MAGI2: variants seen among roughly 807,000 people sequenced by gnomAD.
MAGI2 encodes the protein membrane associated guanylate kinase, WW and PDZ domain containing 2, also known as membrane-associated guanylate kinase, WW and PDZ domain-containing protein 2.
In MAGI2, 35 loss-of-function variants were observed where a neutral mutation model predicts 133.3. The observed-to-expected ratio is 0.26, with a 90% CI of 0.20 to 0.35. The LOEUF is 0.35. MAGI2 is among the 10% of genes least tolerant of loss of function. The pLI is 1.00. For synonymous variants in MAGI2, 729 were observed against 710.6 expected, an observed-to-expected ratio of 1.03 and a Z score of -0.41; for missense variants, 1,636 against 1,863.4, an observed-to-expected ratio of 0.88 and a Z score of 2.25.
intron 9 of MAGI2, among the ~76,000 whole-genome samples, chr7:78,268,943 A>C (rs1321786620): frequency 2.0e-5 from 3 of 151,848 alleles, no homozygotes; most frequent in African/African-American, 7.3e-5. Context: ...CCAGCCCCCC[A>C]CCCACTGACA....
intron 1 of MAGI2, among the ~76,000 whole-genome samples, chr7:79,050,726 C>A (rs1327997837): frequency 6.6e-6 from 1 of 152,174 alleles, no homozygotes; most frequent in African/African-American, 2.4e-5. Context: ...ACCATTTTTA[C>A]CCCACAAGAC....
chr7:79,134,819 G>A lies in MAGI2; in HGVS notation c.302-127613C>T, dbSNP rs182133082. Reference sequence around the variant, plus strand: ...GTTTGTAAACAAAATGCTGCTAACAGCATAAAATAATTGGCATTTTCAATA... The same window carrying A: ...GTTTGTAAACAAAATGCTGCTAACAACATAAAATAATTGGCATTTTCAATA... On this transcript the variant is annotated intron_variant, in intron 1 of 21. Transcript: ENST00000354212. 5.9e-5 allele frequency among the ~76,000 whole-genome samples: 9 copies of A among 152,306 alleles called. No homozygotes were observed. In the East Asian group the frequency reaches 9.7e-4, roughly 16 times the overall value.
chr7:79,134,709 A>G (rs1169366222), intron 1 of MAGI2, among the ~76,000 whole-genome samples: 1 of 152,250 alleles, frequency 6.6e-6, no homozygotes, highest in African/African-American at 2.4e-5. Flanking sequence ...GCAATCATCA[A>G]TATTAAGATT....
At chr7:78,680,016 T>A (rs559830235) in intron 2 of MAGI2, among the ~76,000 whole-genome samples, 1 of 152,210 alleles carries the variant, frequency 6.6e-6, no homozygotes, top group East Asian at 1.9e-4. Context: ...AGCAAATAGT[T>A]GCATTGAGGT....
At chr7:79,153,090 A>G (rs1247095146) in intron 1 of MAGI2, among the ~76,000 whole-genome samples, 1 of 152,214 alleles carries the variant, frequency 6.6e-6, no homozygotes, top group African/African-American at 2.4e-5. Flanking sequence ...ATAAAGTGAT[A>G]AGAACCCTTT....
At chr7:79,169,879 C>A (rs959611635) in intron 1 of MAGI2, among the ~76,000 whole-genome samples, 2 of 151,636 alleles carry the variant, frequency 1.3e-5, no homozygotes, top group African/African-American at 2.4e-5. Context: ...GTCTTTTTAA[C>A]TTTTAAATTC....
intron 1 of MAGI2, among the ~76,000 whole-genome samples, chr7:79,102,606 T>C (rs1421045708): frequency 1.3e-5 from 2 of 152,224 alleles, no homozygotes; most frequent in Non-Finnish European, 2.9e-5. Flanking sequence ...AATTTTGCCT[T>C]TCTACCCAAA....
intron 10 of MAGI2, among the ~76,000 whole-genome samples, chr7:78,243,273 T>A (rs144846893): frequency 0.093 from 2,747 of 29,592 alleles, 32 homozygotes; most frequent in East Asian, 0.2. Context: ...ACACACACTC[T>A]CTCTCTCTCT....
At chr7:79,164,783 C>T (rs1349923763) in intron 1 of MAGI2, among the ~76,000 whole-genome samples, 1 of 152,012 alleles carries the variant, frequency 6.6e-6, no homozygotes, top group Non-Finnish European at 1.5e-5. Flanking sequence ...TGTCTCATGC[C>T]TCCCTAAAAT....
At chr7:78,134,927 G>T (rs1050589462) in intron 17 of MAGI2, 94 bp downstream of exon 17, 2 of 1,069,436 alleles carry the variant, frequency 1.9e-6, no homozygotes, top group Non-Finnish European at 1.4e-6. Flanking sequence ...CGGCAGGCAG[G>T]TGCACTCCGC....
chr7:79,199,123 G>T (rs746992850), intron 1 of MAGI2, among the ~76,000 whole-genome samples: 1 of 151,962 alleles, frequency 6.6e-6, no homozygotes, highest in East Asian at 1.9e-4. Flanking sequence ...TTATTTAATA[G>T]ATTATTACAT....
At chr7:78,030,138 T>C (rs1023913416) in intron 21 of MAGI2, among the ~76,000 whole-genome samples, 7 of 152,208 alleles carry the variant, frequency 4.6e-5, no homozygotes, top group African/African-American at 1.4e-4. Flanking sequence ...TCAGCCTCAA[T>C]TTCTCACCTG....
intron 10 of MAGI2, among the ~76,000 whole-genome samples, chr7:78,249,039 A>T (rs1047039777): frequency 6.6e-6 from 1 of 151,404 alleles, no homozygotes; most frequent in Admixed American, 6.6e-5. Context: ...AAAAAATAAT[A>T]AAAAAAAAGT....
chr7:78,384,033 C>T (rs185460998), intron 6 of MAGI2, among the ~76,000 whole-genome samples: 2 of 151,648 alleles, frequency 1.3e-5, no homozygotes, highest in East Asian at 3.9e-4. Flanking sequence ...AAAGTGATGA[C>T]CCCAGCTTTG....
chr7:78,778,031 G>T (rs907716313), intron 2 of MAGI2, among the ~76,000 whole-genome samples: 2 of 152,180 alleles, frequency 1.3e-5, no homozygotes, highest in East Asian at 1.9e-4. Flanking sequence ...CCTTTCTTGA[G>T]CTGCTCTTTA....
rs71531163 is a variant in MAGI2 at position 79,214,360 on chromosome 7, C to CCT, written c.302-207156_302-207155dup. ...GGACATGTCATTTCTGCATTACGCA[C>CCT]CTCTCTCTCTCTCTCTCTCTCTCTC... is the stretch of plus-strand genomic sequence containing the variant. On this transcript the variant is annotated intron_variant, in intron 1 of 21. Transcript: ENST00000354212. 5.8e-3 allele frequency among the ~76,000 whole-genome samples: 159 copies of CCT among 27,558 alleles called. 4 individuals carry two copies. Among genetic ancestry groups the CCT allele is most frequent in the Non-Finnish European group, 7.5e-3 (118 of 15,754 alleles). The allele number at this position is 27,558 out of a possible 152,430, so 18.1% of individuals were successfully genotyped here. A position where few individuals can be genotyped will look rare whatever the true frequency, so the allele number is the denominator to read the frequency against.
intron 1 of MAGI2, chr7:79,125,898 G>T (rs1471236930): frequency 9.4e-6 from 4 of 424,054 alleles, no homozygotes; most frequent in African/African-American, 2.0e-5. Flanking sequence ...AAGGATTTAT[G>T]GGGTCAACCA....
chr7:79,329,682 A>T (rs910584351), intron 1 of MAGI2, among the ~76,000 whole-genome samples: 3 of 152,250 alleles, frequency 2.0e-5, no homozygotes, highest in Admixed American at 2.0e-4. Context: ...AGATCCCGTC[A>T]ACCAAATCCT....
chr7:78,433,266 T>C (rs143696972), intron 6 of MAGI2, among the ~76,000 whole-genome samples: 149 of 152,206 alleles, frequency 9.8e-4, no homozygotes, highest in African/African-American at 3.2e-3. Flanking sequence ...ACATTTAGCA[T>C]TGGACAGCTT....
Sources: allele counts gnomAD v4.1 joint callset (sites outside exome capture counted in the v4.1 genomes callset), GRCh38; gene constraint gnomAD v4.1.1; transcripts MANE v1.5; gene names NCBI Gene and HGNC (gene_info 2026-07-23, HGNC 2026-07-21).